Variants in CDC37L1 observed in about 807,000 individuals in gnomAD.
The protein encoded by CDC37L1 is cell division cycle 37 like 1, HSP90 cochaperone.
Under a neutral mutation model 45.9 loss-of-function variants are expected in CDC37L1, and 32 were observed. That is an observed-to-expected ratio of 0.70 (90% CI 0.53 to 0.94). CDC37L1 has a LOEUF of 0.94. CDC37L1 is among the 40% of genes least tolerant of loss of function. The probability of loss-of-function intolerance (pLI) is 0.00; values close to 1 mark genes in which losing one functional copy is unlikely to be tolerated. For synonymous variants in CDC37L1, 150 were observed against 133.0 expected (o/e 1.13, Z -0.88); for missense variants, 434 against 405.7 (o/e 1.07, Z -0.60).
chr9:4,705,585 T>A (rs1024726192), intron 6 of CDC37L1, among the ~76,000 whole-genome samples: 3 of 152,228 alleles, frequency 2.0e-5, no homozygotes, highest in Middle Eastern at 3.4e-3. Flanking sequence ...CCCAGTAAAT[T>A]TTTTCTTTAT....
At chr9:4,704,180 T>C (rs1048252357) in intron 6 of CDC37L1, among the ~76,000 whole-genome samples, 4 of 152,240 alleles carry the variant, frequency 2.6e-5, no homozygotes, top group African/African-American at 4.8e-5. Flanking sequence ...TTCACACATA[T>C]TATTTAATTT....
intron 1 of CDC37L1, among the ~76,000 whole-genome samples, chr9:4,681,443 G>A (rs549361056): frequency 2.0e-5 from 3 of 152,126 alleles, no homozygotes; most frequent in Admixed American, 2.0e-4. Flanking sequence ...ACCAGAGTTC[G>A]AGACCAGCCT....
At position 4,697,633 on chromosome 9, in the gene CDC37L1, A is replaced by T. The variant is rs1392542544; in HGVS notation, c.625-124A>T. On this transcript the variant is annotated intron_variant, in intron 4 of 6. Transcript: ENST00000381854. ...AAGATATACTCTTTATATGTTTGTA[A>T]AGTATTTGACTTATAACTTAAGAGA... 3.0e-5 allele frequency: 17 copies of T among 573,214 alleles called. 1 individual carries two copies. In the East Asian group the frequency reaches 4.6e-4, roughly 16 times the overall value. The allele number at this position is 573,214 out of a possible 1,614,324, so 35.5% of individuals were successfully genotyped here. A position where few individuals can be genotyped will look rare whatever the true frequency, so the allele number is the denominator to read the frequency against.
intron 1 of CDC37L1, among the ~76,000 whole-genome samples, chr9:4,681,791 T>C (rs572237556): frequency 6.6e-6 from 1 of 152,338 alleles, no homozygotes; most frequent in East Asian, 1.9e-4. Flanking sequence ...CATTTTATAA[T>C]CCTAAAAAAA....
At chr9:4,687,481 C>T (rs1324074359) in intron 2 of CDC37L1, among the ~76,000 whole-genome samples, 1 of 151,934 alleles carries the variant, frequency 6.6e-6, no homozygotes, top group Admixed American at 6.6e-5. Context: ...GAGTTCAAGA[C>T]CAGCCTGGGC....
intron 6 of CDC37L1, among the ~76,000 whole-genome samples, 163 bp from the exon 7 acceptor site, chr9:4,705,848 G>A (rs1841436498): frequency 6.6e-6 from 1 of 151,838 alleles, no homozygotes; most frequent in Non-Finnish European, 1.5e-5. Context: ...ATTTTCTTGG[G>A]ATTCAGCCCA....
intron 1 of CDC37L1, among the ~76,000 whole-genome samples, chr9:4,682,688 G>T (rs925985766): frequency 2.5e-4 from 38 of 151,812 alleles, no homozygotes; most frequent in African/African-American, 9.2e-4. Flanking sequence ...GGCCAAGCTG[G>T]TTTCGAACTC....
rs758400588 is a variant in CDC37L1, at chr9:4,684,953, A to G, written c.209A>G (p.Asn70Ser). The change falls in exon 2 of 7, where the codon AAT becomes AGT. Residue 70 changes from asparagine (N) to serine (S), a missense_variant. Transcript: ENST00000381854. ...FVKSSVACKW[N>S]LAEAQQKLGS... ...AAGAGCTCTGTGGCGTGCAAATGGA[A>G]TCTTGCTGAAGCTCAACAGAAACTT... The G allele has an allele frequency of 6.2e-7, 1 of 1,613,848 alleles. No homozygotes were observed. The highest frequency in any genetic ancestry group is 1.1e-5 in the South Asian group (1 of 91,068).
chr9:4,690,930 C>T (rs1310840016), intron 3 of CDC37L1, among the ~76,000 whole-genome samples: 4 of 152,212 alleles, frequency 2.6e-5, no homozygotes, highest in Non-Finnish European at 5.9e-5. Flanking sequence ...GCAATTTCTG[C>T]TTTACCAAGT....
In CDC37L1 at chr9:4,702,036, G is replaced by T. The variant is rs201438044; in HGVS notation, c.912+8G>T. 5.3e-6 allele frequency: 7 copies of T among 1,324,070 alleles called. No homozygotes were observed. The Admixed American group carries it at 1.1e-4, about 21-fold the overall frequency. 82.0% of individuals were successfully genotyped at this position (1,324,070 alleles called of 1,614,324 possible). ...TTAGAATCCTTACCACAGGTAAGTT[G>T]GAAAAGTAAATATTTGTTTTATAAG... On this transcript the variant is annotated splice_region_variant and intron_variant, in intron 6 of 6. Transcript: ENST00000381854.
chr9:4,702,385 T>C (rs1231782327), intron 6 of CDC37L1, among the ~76,000 whole-genome samples: 1 of 152,234 alleles, frequency 6.6e-6, no homozygotes, highest in East Asian at 1.9e-4. Context: ...TTTTGAATTT[T>C]TTAGGATGAT....
rs937677114 is a variant in CDC37L1, at chr9:4,688,550, A to G, written c.452A>G (p.Asp151Gly). The change falls in exon 3 of 7, where the codon GAT becomes GGT. Residue 151 changes from aspartate to glycine, a missense_variant. Asp to Gly is a moderately conservative substitution (Grantham distance 94). Transcript: ENST00000381854. ...CAAGATAAAAGAAAAGACACAGAAG[A>G]TGAAGATAAATCAGAATCATTTATG... Reference protein sequence around the residue: ...INQDKRKDTEDEDKSESFMQK... With the variant: ...INQDKRKDTEGEDKSESFMQK... The G allele has an allele frequency of 2.6e-6, 4 of 1,531,050 alleles. No homozygotes were observed. In the East Asian group the frequency reaches 7.1e-5, roughly 27 times the overall value. The allele number at this position is 1,531,050 out of a possible 1,614,324, so 94.8% of individuals were successfully genotyped here.
chr9:4,681,769 T>G (rs558547644), intron 1 of CDC37L1, among the ~76,000 whole-genome samples: 2 of 152,330 alleles, frequency 1.3e-5, no homozygotes, highest in East Asian at 3.9e-4. Context: ...AATAAAATGT[T>G]TAATTGATTA....
chr9:4,705,330 T>C (rs535918503), intron 6 of CDC37L1, among the ~76,000 whole-genome samples: 2 of 152,318 alleles, frequency 1.3e-5, no homozygotes, highest in African/African-American at 4.8e-5. Context: ...CCCTTATTCA[T>C]GGTGCTTTAA....
At chr9:4,693,333 C>T (rs983904500) in intron 3 of CDC37L1, among the ~76,000 whole-genome samples, 8 of 151,776 alleles carry the variant, frequency 5.3e-5, no homozygotes, top group Non-Finnish European at 1.2e-4. Flanking sequence ...GTCCCAGCTA[C>T]TGCAGAGGCT....
chr9:4,686,823 T>C (rs1207455356), intron 2 of CDC37L1, among the ~76,000 whole-genome samples: 2 of 152,222 alleles, frequency 1.3e-5, no homozygotes, highest in Non-Finnish European at 2.9e-5. Flanking sequence ...GTGCTTGAAA[T>C]GTGGCTAGTC....
chr9:4,692,008 T>G (rs1262163883), intron 3 of CDC37L1, among the ~76,000 whole-genome samples: 1 of 152,166 alleles, frequency 6.6e-6, no homozygotes, highest in Non-Finnish European at 1.5e-5. Flanking sequence ...ATCTTCACTT[T>G]CAGCCAAAGT....
intron 3 of CDC37L1, among the ~76,000 whole-genome samples, chr9:4,694,669 G>T (rs1272059415): frequency 2.0e-5 from 3 of 152,012 alleles, no homozygotes; most frequent in African/African-American, 4.8e-5. Flanking sequence ...TTAGGAGTTC[G>T]AGACCAGCCT....
intron 4 of CDC37L1, 77 bp downstream of exon 4, chr9:4,697,288 G>C (rs1841356535): frequency 1.4e-6 from 1 of 734,832 alleles, no homozygotes; most frequent in Non-Finnish European, 2.4e-6. Context: ...GTTTTGTTTT[G>C]TTTTCTACAT....
Sources: gnomAD v4.1 joint callset for allele counts (sites outside exome capture counted in the v4.1 genomes callset) on GRCh38, gnomAD v4.1.1 for gene constraint, MANE v1.5 for transcripts, NCBI Gene and HGNC (gene_info 2026-07-23, HGNC 2026-07-21) for gene names.